The following SHROOM3 variants were observed in gnomAD, a reference collection of about 807,000 sequenced individuals.
SHROOM3 encodes the protein protein Shroom3.
A neutral mutation model predicts 138.6 loss-of-function variants in SHROOM3; 47 were observed. That is an observed-to-expected ratio of 0.34 (90% CI 0.27 to 0.43). The LOEUF is 0.43. SHROOM3 is among the 20% of genes least tolerant of loss of function. The probability of loss-of-function intolerance (pLI) is 1.00; values close to 1 mark genes in which losing one functional copy is unlikely to be tolerated. For synonymous variants in SHROOM3, 1,062 were observed against 1,063.3 expected, an observed-to-expected ratio of 1.00 and a Z score of 0.02; for missense variants, 2,491 against 2,596.5, an observed-to-expected ratio of 0.96 and a Z score of 0.88.
At chr4:76,594,110 A>G (rs972315825) in intron 2 of SHROOM3, among the ~76,000 whole-genome samples, 5 of 152,234 alleles carry the variant, frequency 3.3e-5, no homozygotes, top group African/African-American at 1.2e-4. Context: ...CAATTGAGAT[A>G]CAGGGAACTA....
chr4:76,757,464 A>G (rs1217217768), intron 8 of SHROOM3, among the ~76,000 whole-genome samples: 5 of 152,214 alleles, frequency 3.3e-5, no homozygotes, highest in African/African-American at 1.2e-4. Flanking sequence ...AGAGGCCCTC[A>G]GAGCTCGGTG....
intron 2 of SHROOM3, among the ~76,000 whole-genome samples, chr4:76,682,301 G>A (rs533997708): frequency 6.6e-6 from 1 of 152,100 alleles, no homozygotes; most frequent in Non-Finnish European, 1.5e-5. Context: ...CACACTCAAT[G>A]ATTATCCCAT....
chr4:76,568,321 C>T (rs1416069647), intron 2 of SHROOM3, among the ~76,000 whole-genome samples: 3 of 152,144 alleles, frequency 2.0e-5, no homozygotes, highest in Admixed American at 6.5e-5. Flanking sequence ...TTCCCCTTCA[C>T]GGGTATAATA....
chr4:76,770,922 C>A, intron 10 of SHROOM3, 24 bp downstream of exon 10: 1 of 1,613,990 alleles, frequency 6.2e-7, no homozygotes, highest in South Asian at 1.1e-5. Context: ...TGATGCAGTT[C>A]AACAAGTTCT....
chr4:76,601,342 G>T (rs559778259), intron 2 of SHROOM3, among the ~76,000 whole-genome samples: 2 of 152,074 alleles, frequency 1.3e-5, no homozygotes, highest in East Asian at 1.9e-4. Context: ...CACAGGAAAG[G>T]CCCCCCAGTA....
chr4:76,638,908 C>G (rs928274657), intron 2 of SHROOM3: 3 of 152,254 alleles, frequency 2.0e-5, no homozygotes, highest in East Asian at 3.9e-4. Context: ...TTCTGAAGAC[C>G]CTAAAACTTT....
intron 7 of SHROOM3, among the ~76,000 whole-genome samples, chr4:76,755,887 A>C (rs1226211553): frequency 6.6e-6 from 1 of 152,188 alleles, no homozygotes; most frequent in African/African-American, 2.4e-5. Flanking sequence ...AGAACAAGTA[A>C]TCTCTCAAAA....
intron 1 of SHROOM3, among the ~76,000 whole-genome samples, chr4:76,501,042 C>T (rs1161399345): frequency 6.6e-6 from 1 of 152,128 alleles, no homozygotes; most frequent in Non-Finnish European, 1.5e-5. Flanking sequence ...ATCTTGAGCT[C>T]CTGGCCCTCA....
chr4:76,567,183 G>A (rs970386203), intron 2 of SHROOM3, among the ~76,000 whole-genome samples: 12 of 152,208 alleles, frequency 7.9e-5, no homozygotes, highest in African/African-American at 1.4e-4. Flanking sequence ...TATTGTTTAC[G>A]TAGGAAGGTT....
chr4:76,683,519 C>T (rs1671741482), intron 2 of SHROOM3, among the ~76,000 whole-genome samples: 1 of 152,088 alleles, frequency 6.6e-6, no homozygotes, highest in African/African-American at 2.4e-5. Flanking sequence ...TCTTTTCTCT[C>T]TCTCTTTCTT....
rs527654625 is a variant in SHROOM3 at position 76,661,014 on chromosome 4, C to T, written c.324-49142C>T. 7.2e-5 allele frequency among the ~76,000 whole-genome samples: 11 copies of T among 152,080 alleles called. No individual in the cohort carries two copies. The East Asian group carries it at 2.1e-3, about 29-fold the overall frequency. ...GTGTCTCACTGTTACCCAAGCTTGT[C>T]TTGAACTCCTGGCCTCAAGTGATCC... On this transcript the variant is annotated intron_variant, in intron 2 of 10. Coordinates refer to ENST00000296043, the MANE Select transcript of SHROOM3 (RefSeq NM_020859.4).
At chr4:76,494,360 G>A (rs1052156834) in intron 1 of SHROOM3, among the ~76,000 whole-genome samples, 1 of 152,200 alleles carries the variant, frequency 6.6e-6, no homozygotes. Context: ...CTGGTATGTA[G>A]CTGTGTGGAG....
chr4:76,478,048 G>A (rs1731525695), intron 1 of SHROOM3, among the ~76,000 whole-genome samples: 1 of 152,188 alleles, frequency 6.6e-6, no homozygotes, highest in Non-Finnish European at 1.5e-5. Flanking sequence ...AAACTGGGCG[G>A]TTGTTTGGGC....
Position 76,511,968 on chromosome 4 carries a change from G to A in SHROOM3, c.169-43641G>A, listed in dbSNP as rs186149911. Among the ~76,000 whole-genome samples, 12 of 152,256 alleles carry A rather than the reference G, an allele frequency of 7.9e-5. No individual in the cohort carries two copies. In the East Asian group the frequency reaches 1.2e-3, roughly 15 times the overall value. On this transcript the variant is annotated intron_variant, in intron 1 of 10. Transcript: ENST00000296043. ...AAGATCCCTAGGGAAGAGGCCAGGG[G>A]CCTAGTTGAGACACAGGTGAGGTGA...
rs1341377634 is a variant in SHROOM3, at chr4:76,756,642, A to C, written c.4903A>C (p.Ile1635Leu). The C allele has an allele frequency of 6.2e-7, 1 of 1,613,424 alleles. No individual in the cohort carries two copies. Among genetic ancestry groups the C allele is most frequent in the African/African-American group, 1.3e-5 (1 of 74,678 alleles). ...GTCTCTTGGTGGGCAGCCAGCACCC[A>C]TCCAGACTCAAAGCCTCAGCCATGA... is the stretch of plus-strand genomic sequence containing the variant. ...AGSLGGQPAP[I>L]QTQSLSHDPV... The change falls in exon 8 of 11, where the codon ATC becomes CTC. Residue 1635 changes from isoleucine to leucine, a missense_variant. Ile to Leu is a conservative substitution (Grantham distance 5). Transcript: ENST00000296043.
chr4:76,494,642 T>A (rs1731927269), intron 1 of SHROOM3, among the ~76,000 whole-genome samples: 1 of 152,212 alleles, frequency 6.6e-6, no homozygotes, highest in Non-Finnish European at 1.5e-5. Context: ...GGTAGGTGCC[T>A]GATCGTAAGG....
intron 2 of SHROOM3, among the ~76,000 whole-genome samples, chr4:76,693,820 CT>C (rs71212443): frequency 4.0e-4 from 56 of 141,618 alleles, no homozygotes; most frequent in South Asian, 4.5e-4. Context: ...AGGCAAACTC[CT>C]TTTTTTTTTT....
intron 10 of SHROOM3, 61 bp downstream of exon 10, chr4:76,770,959 G>C (rs1304566402): frequency 1.9e-5 from 30 of 1,600,948 alleles, no homozygotes; most frequent in Non-Finnish European, 2.1e-5. Flanking sequence ...ACATAGAGAG[G>C]CGCCATTAGA....
At chr4:76,681,609 G>GTT (rs1719197582) in intron 2 of SHROOM3, among the ~76,000 whole-genome samples, 1 of 134,496 alleles carries the variant, frequency 7.4e-6, no homozygotes, top group African/African-American at 3.0e-5. Context: ...GTGTGTGTGT[G>GTT]TGTGTGTGTG....
Sources: gnomAD v4.1 joint callset for allele counts (sites outside exome capture counted in the v4.1 genomes callset) on GRCh38, gnomAD v4.1.1 for gene constraint, MANE v1.5 for transcripts, NCBI Gene and HGNC (gene_info 2026-07-23, HGNC 2026-07-21) for gene names.